The following ANO1 variants were observed in gnomAD, a reference collection of about 807,000 sequenced individuals.
ANO1 encodes anoctamin 1, also known as anoctamin-1.
In ANO1, 59 loss-of-function variants were observed where a neutral mutation model predicts 124.0. The observed-to-expected ratio is 0.48, with a 90% CI of 0.39 to 0.59. The LOEUF (loss-of-function observed/expected upper bound fraction) is 0.59. Ranked by LOEUF, ANO1 falls within the 20% of genes least tolerant of loss-of-function variation. The probability of loss-of-function intolerance (pLI) is 0.00; values close to 1 mark genes in which losing one functional copy is unlikely to be tolerated. For missense variants in ANO1, 1,059 were observed against 1,328.0 expected, an observed-to-expected ratio of 0.80 and a Z score of 3.15; for synonymous variants, 529 against 532.0, an observed-to-expected ratio of 0.99 and a Z score of 0.08.
chr11:70,120,744 C>T (rs1028913511), intron 8 of ANO1, among the ~76,000 whole-genome samples: 1 of 152,176 alleles, frequency 6.6e-6, no homozygotes, highest in African/African-American at 2.4e-5. Flanking sequence ...TCACCAAGGG[C>T]CGGTGGCAGC....
chr11:70,067,137 G>T (rs1857747843), intron 1 of ANO1, among the ~76,000 whole-genome samples: 1 of 152,098 alleles, frequency 6.6e-6, no homozygotes, highest in Non-Finnish European at 1.5e-5. Context: ...ACAGAGCAAG[G>T]TCTGTACTGG....
the ANO1 span, among the ~76,000 whole-genome samples, chr11:69,967,498 C>T: frequency 6.6e-6 from 1 of 152,242 alleles, no homozygotes; most frequent in African/African-American, 2.4e-5. Context: ...ATGAGCTGGG[C>T]CACCCAGAGC....
chr11:69,973,404 T>A, the ANO1 span, among the ~76,000 whole-genome samples: 1 of 152,202 alleles, frequency 6.6e-6, no homozygotes, highest in Non-Finnish European at 1.5e-5. Context: ...CTCCAGGAAA[T>A]GCTGATTGGC....
intron 11 of ANO1, among the ~76,000 whole-genome samples, chr11:70,142,936 C>G (rs908051018): frequency 6.6e-6 from 1 of 152,196 alleles, no homozygotes; most frequent in Admixed American, 6.5e-5. Flanking sequence ...CGATCAACCC[C>G]CAAAGGCCCC....
At chr11:70,039,706 G>C (rs1857152239) in intron 1 of ANO1, among the ~76,000 whole-genome samples, 1 of 152,152 alleles carries the variant, frequency 6.6e-6, no homozygotes, top group African/African-American at 2.4e-5. Flanking sequence ...GATTCTGGAA[G>C]AGGGCGTCCA....
chr11:70,182,581 A>C lies in ANO1; in HGVS notation c.2483A>C (p.His828Pro). 6.2e-7 allele frequency: 1 copy of C among 1,613,712 alleles called. No individual in the cohort carries two copies. Among genetic ancestry groups the C allele is most frequent in the Non-Finnish European group, 8.5e-7 (1 of 1,179,772 alleles). Residue 828 changes from histidine to proline, a missense_variant, in exon 24 of 26, where the codon CAC becomes CCC. By Grantham distance (77) the His-to-Pro change is moderately conservative (BLOSUM62 -2). This residue lies in a region of ANO1 where 809 missense variants were observed against 1,094.9 expected (regional missense o/e 0.74). Transcript: ENST00000355303. ...ATGTACAGTAAGAACGGGACCATGC[A>C]CGGCTTCGTCAACCACACCCTCTCC... ...LYMYSKNGTMHGFVNHTLSSF... is the reference protein window; with the variant it reads ...LYMYSKNGTMPGFVNHTLSSF...
the ANO1 span, among the ~76,000 whole-genome samples, chr11:69,969,946 A>G: frequency 6.7e-6 from 1 of 150,276 alleles, no homozygotes; most frequent in African/African-American, 2.4e-5. Context: ...GACTCATCTC[A>G]AAAAACAAAC....
chr11:70,032,537 G>C (rs12807482), intron 1 of ANO1, among the ~76,000 whole-genome samples: 13,127 of 123,612 alleles, frequency 0.11, 740 homozygotes, highest in African/African-American at 0.18. Context: ...GGCGGGAGAG[G>C]GGGGGGGTCT....
intron 1 of ANO1, among the ~76,000 whole-genome samples, chr11:70,086,121 A>G (rs1165319418): frequency 6.6e-6 from 1 of 152,226 alleles, no homozygotes; most frequent in Non-Finnish European, 1.5e-5. Flanking sequence ...GAGCGTCCTC[A>G]CGTAGCCACA....
intron 1 of ANO1, among the ~76,000 whole-genome samples, chr11:70,032,541 G>A (rs566903619): frequency 6.6e-6 from 1 of 151,502 alleles, no homozygotes; most frequent in Non-Finnish European, 1.5e-5. Flanking sequence ...GGAGAGGGGG[G>A]GGGTCTCTGA....
intron 22 of ANO1, among the ~76,000 whole-genome samples, chr11:70,172,229 C>T (rs1347107370): frequency 1.3e-5 from 2 of 151,716 alleles, no homozygotes; most frequent in African/African-American, 4.8e-5. Context: ...TCCCTGTTAC[C>T]AGAGGCATTT....
chr11:70,124,415 G>A lies in ANO1; in HGVS notation c.962+1G>A. 6.2e-7 allele frequency: 1 copy of A among 1,613,696 alleles called. No homozygotes were observed. The highest frequency in any genetic ancestry group is 8.5e-7 in the Non-Finnish European group (1 of 1,179,822). On this transcript the variant is annotated splice_donor_variant, in intron 9 of 25. Transcript: ENST00000355303. LOFTEE classifies it high-confidence loss of function. ...AGTACCAGCCCATCGACCTGGTCAG[G>A]TAAGAACGCGCCACAGCCTGCGGGA...
chr11:70,089,490 T>G (rs2044534972), intron 2 of ANO1, among the ~76,000 whole-genome samples: 1 of 152,194 alleles, frequency 6.6e-6, no homozygotes, highest in Non-Finnish European at 1.5e-5. Context: ...GACCTTGGCC[T>G]AGTGAGTCAA....
the ANO1 span, among the ~76,000 whole-genome samples, chr11:69,966,975 C>T: frequency 6.6e-6 from 1 of 152,172 alleles, no homozygotes; most frequent in Non-Finnish European, 1.5e-5. Context: ...GGGGACAATT[C>T]TTCATCTTAG....
chr11:70,089,807 G>A (rs1276744444), intron 2 of ANO1, among the ~76,000 whole-genome samples: 1 of 152,210 alleles, frequency 6.6e-6, no homozygotes, highest in Non-Finnish European at 1.5e-5. Context: ...CTGCCCTCCA[G>A]CCCTGTGGCT....
intron 8 of ANO1, among the ~76,000 whole-genome samples, chr11:70,120,901 C>T (rs539647951): frequency 3.9e-5 from 6 of 152,246 alleles, no homozygotes; most frequent in East Asian, 3.9e-4. Context: ...GCCCCCATGG[C>T]TGGACGCCCC....
chr11:69,995,021 C>T (rs1239532863), intron 1 of ANO1, among the ~76,000 whole-genome samples: 4 of 152,042 alleles, frequency 2.6e-5, no homozygotes, highest in Admixed American at 6.6e-5. Context: ...TACTGCACAC[C>T]GTTTCCCCTG....
At chr11:70,005,311 G>A (rs1352052342) in intron 1 of ANO1, among the ~76,000 whole-genome samples, 1 of 152,178 alleles carries the variant, frequency 6.6e-6, no homozygotes, top group African/African-American at 2.4e-5. Flanking sequence ...TCAGAGAGGT[G>A]AAGTAACATG....
intron 19 of ANO1, 78 bp from the exon 20 acceptor site, chr11:70,165,392 A>T: frequency 8.3e-7 from 1 of 1,204,882 alleles, no homozygotes; most frequent in Non-Finnish European, 1.2e-6. Context: ...CCACAGCATG[A>T]GGGTGGGCCT....
Sources: allele counts gnomAD v4.1 joint callset (sites outside exome capture counted in the v4.1 genomes callset), GRCh38; gene constraint gnomAD v4.1.1; regional missense constraint gnomAD v4.1.1; transcripts MANE v1.5; gene names NCBI Gene and HGNC (gene_info 2026-07-23, HGNC 2026-07-21).